The following DIS3L variants were observed in gnomAD, a reference collection of about 807,000 sequenced individuals.
DIS3L encodes the protein DIS3 like exosome 3'-5' exoribonuclease.
Under a neutral mutation model 120.3 loss-of-function variants are expected in DIS3L, and 100 were observed. The ratio of observed to expected loss-of-function variants is 0.83; its 90% CI spans 0.71 to 0.98. The LOEUF (loss-of-function observed/expected upper bound fraction) is 0.98. DIS3L is among the 50% of genes least tolerant of loss of function. The pLI is 0.00. For missense variants in DIS3L, 1,196 were observed against 1,314.2 expected, an observed-to-expected ratio of 0.91 and a Z score of 1.39; for synonymous variants, 426 against 470.6, an observed-to-expected ratio of 0.91 and a Z score of 1.23.
chr15:66,320,115 C>T (rs2140382505), intron 8 of DIS3L, among the ~76,000 whole-genome samples: 1 of 152,074 alleles, frequency 6.6e-6, no homozygotes, highest in South Asian at 2.1e-4. Flanking sequence ...TAGAGCAAGA[C>T]TCCATCTCGA....
intron 1 of DIS3L, 41 bp downstream of exon 1, chr15:66,293,776 C>A: frequency 8.7e-7 from 1 of 1,146,790 alleles, no homozygotes; most frequent in East Asian, 4.2e-5. Context: ...CCGGCGGGAG[C>A]GGGCGGCCGC....
In DIS3L at chr15:66,329,318, T is replaced by C. The variant is rs1420860119; in HGVS notation, c.2454T>C (p.Asp818=). ...TGTTAATGGCAGCCATTTCAAAAGA[T>C]AAGAAAATGGAAATTAAGGGAAATC... is the stretch of plus-strand genomic sequence containing the variant. The part of the protein sequence containing the change: ...HRLLMAAISK[D]KKMEIKGNLF... Residue 818 remains aspartate, a synonymous_variant, in exon 14 of 17, where the codon GAT becomes GAC. Transcript: ENST00000319212. 3 of 1,613,880 alleles carry C rather than the reference T, an allele frequency of 1.9e-6. No individual in the cohort carries two copies. In the African/African-American group the frequency reaches 4.0e-5, roughly 22 times the overall value.
At chr15:66,318,651 C>G (rs1008165802) in intron 8 of DIS3L, 33 bp downstream of exon 8, 7 of 1,601,600 alleles carry the variant, frequency 4.4e-6, no homozygotes, top group Non-Finnish European at 6.0e-6. Flanking sequence ...TATGGGATCT[C>G]TACGCTTTCT....
rs796324536 is a variant in DIS3L, at chr15:66,304,900, C to CAA, written c.294-1907_294-1906dup. 1.8e-4 allele frequency among the ~76,000 whole-genome samples: 10 copies of CAA among 56,274 alleles called. 1 individual carries two copies. The highest frequency in any genetic ancestry group is 5.9e-4 in the South Asian group (1 of 1,692). 36.9% of individuals were successfully genotyped at this position (56,274 alleles called of 152,430 possible). On this transcript the variant is annotated intron_variant, in intron 2 of 16. Coordinates refer to ENST00000319212, the MANE Select transcript of DIS3L (RefSeq NM_001143688.3). ...TAGGCAACAGAGTAAGACTCCGTCT[C>CAA]AAAAAAAAAAAAAAAAAAGGATATT...
In DIS3L at chr15:66,325,847, A is replaced by G. The variant is rs765641322; in HGVS notation, c.1684A>G (p.Met562Val). 1.3e-5 allele frequency: 21 copies of G among 1,602,602 alleles called. No homozygotes were observed. The highest frequency in any genetic ancestry group is 1.7e-5 in the Non-Finnish European group (20 of 1,170,676). The change falls in exon 12 of 17, where the codon ATG (methionine) becomes GTG (valine). Residue 562 changes from methionine (M) to valine (V), a missense_variant. Coordinates refer to ENST00000319212, the MANE Select transcript of DIS3L (RefSeq NM_001143688.3). ...GGVDRYAVSI[M>V]WELDKASYEI... Reference sequence around the variant, plus strand: ...TTTTTGTAGGTATGCTGTAAGCATCATGTGGGAACTGGATAAAGCCTCTTA... The same window carrying G: ...TTTTTGTAGGTATGCTGTAAGCATCGTGTGGGAACTGGATAAAGCCTCTTA...
chr15:66,317,841 TAAAAA>T (rs35644337), intron 7 of DIS3L, among the ~76,000 whole-genome samples: 1 of 130,268 alleles, frequency 7.7e-6, no homozygotes, highest in South Asian at 2.6e-4. Context: ...TCCTGTTTCT[TAAAAA>T]AAAAAAAAAA....
chr15:66,332,677 AC>A (rs757742378), intron 15 of DIS3L, 58 bp from the exon 16 acceptor site: 16 of 1,465,424 alleles, frequency 1.1e-5, no homozygotes, highest in Non-Finnish European at 1.4e-5. Context: ...AGATAAGCAT[AC>A]AAGATCTGTG....
At chr15:66,315,298 G>A (rs1360247329) in intron 7 of DIS3L, 83 bp downstream of exon 7, 40 of 1,266,654 alleles carry the variant, frequency 3.2e-5, no homozygotes, top group Non-Finnish European at 4.2e-5. Context: ...CAGAAATACT[G>A]CCCTTATTTT....
chr15:66,329,327 G>A lies in DIS3L; in HGVS notation c.2463G>A (p.Met821Ile). 2 of 1,614,014 alleles carry A rather than the reference G, an allele frequency of 1.2e-6. No homozygotes were observed. The highest frequency in any genetic ancestry group is 1.7e-6 in the Non-Finnish European group (2 of 1,179,984). Reference protein sequence around the residue: ...LMAAISKDKKMEIKGNLFSNK... With the variant: ...LMAAISKDKKIEIKGNLFSNK... ...CAGCCATTTCAAAAGATAAGAAAAT[G>A]GAAATTAAGGGAAATCTGTTCAGCA... The change falls in exon 14 of 17, where the codon ATG (methionine) becomes ATA (isoleucine). Residue 821 changes from methionine to isoleucine, a missense_variant. Met to Ile is a conservative substitution (Grantham distance 10). Transcript: ENST00000319212.
At chr15:66,330,594 A>T (rs951220247) in intron 14 of DIS3L, 18 of 973,706 alleles carry the variant, frequency 1.8e-5, no homozygotes, top group Non-Finnish European at 2.2e-5. Context: ...TAGAAGTAGA[A>T]ATTTGTCTCA....
Position 66,306,944 on chromosome 15 carries a change from G to C in DIS3L, c.414G>C (p.Trp138Cys). ...PRERGESMEK[W>C]QTRSIYNAAV... ...AAAGAGGAGAGTCCATGGAGAAGTG[G>C]CAGACCAGGTATGGCCCTGACTTGC... is the stretch of plus-strand genomic sequence containing the variant. The change falls in exon 3 of 17, where the codon TGG becomes TGC. Residue 138 changes from tryptophan to cysteine, a missense_variant. Trp to Cys is a radical substitution (Grantham distance 215, BLOSUM62 -2). Coordinates refer to ENST00000319212, the MANE Select transcript of DIS3L (RefSeq NM_001143688.3). 1.9e-6 allele frequency: 3 copies of C among 1,614,006 alleles called. No homozygotes were observed. Among genetic ancestry groups the C allele is most frequent in the Non-Finnish European group, 2.5e-6 (3 of 1,179,934 alleles).
intron 12 of DIS3L, 145 bp from the exon 13 acceptor site, chr15:66,328,825 G>A: frequency 1.1e-6 from 1 of 928,764 alleles, no homozygotes. Context: ...TTCTGTAGTT[G>A]AAAAGAGGTG....
chr15:66,329,215 T>C lies in DIS3L; in HGVS notation c.2357-6T>C, dbSNP rs2092972385. The C allele has an allele frequency of 6.3e-7, 1 of 1,586,910 alleles. No homozygotes were observed. The highest frequency in any genetic ancestry group is 1.4e-5 in the African/African-American group (1 of 73,432). Reference sequence around the variant, plus strand: ...TTTATTTTGATCTTTTGCTTTCTTTTTGAAGGTCTTGCATTAGATAAATAT... The same window carrying C: ...TTTATTTTGATCTTTTGCTTTCTTTCTGAAGGTCTTGCATTAGATAAATAT... On this transcript the variant is annotated splice_polypyrimidine_tract_variant and splice_region_variant and intron_variant, in intron 13 of 16. Transcript: ENST00000319212.
intron 2 of DIS3L, among the ~76,000 whole-genome samples, chr15:66,296,839 C>T (rs935645900): frequency 2.0e-5 from 3 of 152,044 alleles, no homozygotes; most frequent in African/African-American, 7.2e-5. Context: ...AGTCTTAGTC[C>T]CTCTAACAAC....
intron 14 of DIS3L, chr15:66,330,479 A>C (rs1283625997): frequency 1.0e-6 from 1 of 985,312 alleles, no homozygotes; most frequent in Non-Finnish European, 1.2e-6. Flanking sequence ...AGGAAATTGG[A>C]AACTACCTAA....
Position 66,333,462 on chromosome 15 carries a change from G to A in DIS3L, c.*150G>A, listed in dbSNP as rs1017605809. 1.2e-6 allele frequency: 1 copy of A among 835,244 alleles called. No homozygotes were observed. Among genetic ancestry groups the A allele is most frequent in the Non-Finnish European group, 1.8e-6 (1 of 565,564 alleles). 51.7% of individuals were successfully genotyped at this position (835,244 alleles called of 1,614,324 possible). A position where few individuals can be genotyped will look rare whatever the true frequency, so the allele number is the denominator to read the frequency against. The stretch of plus-strand genomic sequence containing the variant: ...TAAAATGTTCTCAGCCGGGCACGGT[G>A]GCTCACGCCTGTAACCCCAGCACTT... On this transcript the variant is annotated 3_prime_UTR_variant, in exon 17 of 17. Transcript: ENST00000319212.
intron 2 of DIS3L, among the ~76,000 whole-genome samples, chr15:66,304,113 CAAT>C (rs1243938265): frequency 0.012 from 949 of 77,016 alleles, 6 homozygotes; most frequent in Non-Finnish European, 0.02. Context: ...AAAAAAAAAA[CAAT>C]ATGGCATAGA....
In DIS3L at chr15:66,325,957, T is replaced by A. The variant is rs2092931355; in HGVS notation, c.1794T>A (p.Asp598Glu). The A allele has an allele frequency of 6.2e-7, 1 of 1,614,040 alleles. No homozygotes were observed. The highest frequency in any genetic ancestry group is 8.5e-7 in the Non-Finnish European group (1 of 1,180,048). ...ATGAAGCAGCCCAAGAACTACTGGA[T>A]GGAAACTTAAGCGTTGTTGATGATA... ...LFYEAAQELL[D>E]GNLSVVDDIP... Residue 598 changes from aspartate to glutamate, a missense_variant, in exon 12 of 17, where the codon GAT (aspartate) becomes GAA (glutamate). Transcript: ENST00000319212.
In DIS3L at chr15:66,293,716, G is replaced by C. The variant is rs2092548545; in HGVS notation, c.120G>C (p.Gln40His). The part of the protein sequence containing the change: ...CVPCHSPLCP[Q>H]PAACSHDGKL... ...CCTGCCACAGCCCGCTCTGCCCGCAGCCCGCCGCCTGCAGCCACGGTCAGG... is the reference window on the plus strand; with the variant it reads ...CCTGCCACAGCCCGCTCTGCCCGCACCCCGCCGCCTGCAGCCACGGTCAGG... Residue 40 changes from glutamine to histidine, a missense_variant, in exon 1 of 17, where the codon CAG becomes CAC. Physicochemically the swap from Gln to His is conservative, Grantham distance 24. Transcript: ENST00000319212. 1.5e-6 allele frequency: 2 copies of C among 1,321,142 alleles called. No homozygotes were observed. The highest frequency in any genetic ancestry group is 9.7e-7 in the Non-Finnish European group (1 of 1,030,224). The allele number at this position is 1,321,142 out of a possible 1,614,324, so 81.8% of individuals were successfully genotyped here.
Sources: allele counts gnomAD v4.1 joint callset (sites outside exome capture counted in the v4.1 genomes callset), GRCh38; gene constraint gnomAD v4.1.1; transcripts MANE v1.5; gene names NCBI Gene and HGNC (gene_info 2026-07-23, HGNC 2026-07-21).